PLPP3: variants seen among roughly 807,000 people sequenced by gnomAD.
PLPP3 encodes the protein PAP2 beta.
Under a neutral mutation model 29.6 loss-of-function variants are expected in PLPP3, and 6 were observed. That is an observed-to-expected ratio of 0.20 (90% CI 0.11 to 0.40). The LOEUF (loss-of-function observed/expected upper bound fraction) is 0.40, where lower values mean the gene tolerates loss of function less well. Ranked by LOEUF, PLPP3 falls within the 10% of genes least tolerant of loss-of-function variation. The probability of loss-of-function intolerance (pLI) is 1.00; values close to 1 mark genes in which losing one functional copy is unlikely to be tolerated. For synonymous variants in PLPP3, 152 were observed against 159.7 expected, an observed-to-expected ratio of 0.95 and a Z score of 0.36; for missense variants, 308 against 407.7, an observed-to-expected ratio of 0.76 and a Z score of 2.11.
intron 5 of PLPP3, among the ~76,000 whole-genome samples, chr1:56,498,638 CTTTT>C (rs559651197): frequency 1.4e-5 from 2 of 144,750 alleles, no homozygotes; most frequent in African/African-American, 5.0e-5. Context: ...TCACTACTTT[CTTTT>C]TTTTTTTTTA....
chr1:56,536,621 G>A (rs1645928752), intron 2 of PLPP3, among the ~76,000 whole-genome samples: 1 of 152,184 alleles, frequency 6.6e-6, no homozygotes, highest in Non-Finnish European at 1.5e-5. Flanking sequence ...CTATCCCCTT[G>A]AGCAGTTCAT....
At chr1:56,553,809 T>C (rs926385665) in intron 1 of PLPP3, among the ~76,000 whole-genome samples, 14 of 152,166 alleles carry the variant, frequency 9.2e-5, no homozygotes, top group Non-Finnish European at 1.0e-4. Context: ...GGTCCTAATT[T>C]TAACCTAAAA....
At chr1:56,508,896 A>C (rs1418238532) in intron 5 of PLPP3, among the ~76,000 whole-genome samples, 1 of 152,124 alleles carries the variant, frequency 6.6e-6, no homozygotes, top group Non-Finnish European at 1.5e-5. Context: ...TGTCTCCCTC[A>C]CAATCAAACC....
At chr1:56,520,419 G>A (rs747718611) in intron 4 of PLPP3, among the ~76,000 whole-genome samples, 5 of 152,104 alleles carry the variant, frequency 3.3e-5, no homozygotes, top group African/African-American at 4.8e-5. Context: ...TGGGTACACC[G>A]GGGAGTCCAG....
intron 1 of PLPP3, among the ~76,000 whole-genome samples, chr1:56,559,480 G>C (rs1646106612): frequency 6.6e-6 from 1 of 151,682 alleles, no homozygotes; most frequent in South Asian, 2.1e-4. Flanking sequence ...TTGAACTCCT[G>C]AGCTCAAGTG....
intron 4 of PLPP3, among the ~76,000 whole-genome samples, chr1:56,515,891 C>T (rs1645777223): frequency 6.6e-6 from 1 of 152,140 alleles, no homozygotes. Context: ...ATAGGTAGAA[C>T]AGTACTATCT....
intron 1 of PLPP3, among the ~76,000 whole-genome samples, chr1:56,567,384 A>T (rs562934029): frequency 7.6e-4 from 114 of 150,890 alleles, no homozygotes; most frequent in African/African-American, 2.7e-3. Flanking sequence ...CATTAATCTT[A>T]AGGTATTTCT....
Position 56,496,475 on chromosome 1 carries a change from C to T in PLPP3, c.*76G>A, listed in dbSNP as rs1236021848. The T allele has an allele frequency of 5.2e-6, 8 of 1,537,856 alleles. No homozygotes were observed. The highest frequency in any genetic ancestry group is 7.1e-6 in the Non-Finnish European group (8 of 1,123,690). ...AAAGTTTTTCCCTACATTCTACTGTCTGATGAGATTGGAGAGCAGCAAGAA... is the reference window on the plus strand; with the variant it reads ...AAAGTTTTTCCCTACATTCTACTGTTTGATGAGATTGGAGAGCAGCAAGAA... On this transcript the variant is annotated 3_prime_UTR_variant, in exon 6 of 6. Coordinates refer to ENST00000371250, the MANE Select transcript of PLPP3 (RefSeq NM_003713.5).
chr1:56,501,735 C>G (rs1357691605), intron 5 of PLPP3, among the ~76,000 whole-genome samples: 2 of 151,958 alleles, frequency 1.3e-5, no homozygotes, highest in Non-Finnish European at 2.9e-5. Context: ...TGTAAGAACC[C>G]CATTCACCGT....
At chr1:56,516,435 A>C (rs1645780923) in intron 4 of PLPP3, among the ~76,000 whole-genome samples, 1 of 152,194 alleles carries the variant, frequency 6.6e-6, no homozygotes, top group Admixed American at 6.5e-5. Context: ...CCTATTCTAG[A>C]CCAAAACACA....
chr1:56,518,759 A>G (rs1645799765), intron 4 of PLPP3, among the ~76,000 whole-genome samples: 1 of 145,816 alleles, frequency 6.9e-6, no homozygotes, highest in African/African-American at 2.5e-5. Context: ...TATGTTGCCC[A>G]GGCTGATCCT....
rs553795588 is a variant in PLPP3, at chr1:56,549,484, T to C, written c.140-12372A>G. Reference sequence around the variant, plus strand: ...TTCCTCATCTGCTCTCTGGGGTTCATTTTCTTCATGTGCAAAATGAAAGGG... The same window carrying C: ...TTCCTCATCTGCTCTCTGGGGTTCACTTTCTTCATGTGCAAAATGAAAGGG... On this transcript the variant is annotated intron_variant, in intron 1 of 5. Coordinates refer to ENST00000371250, the MANE Select transcript of PLPP3 (RefSeq NM_003713.5). 1.2e-4 allele frequency among the ~76,000 whole-genome samples: 18 copies of C among 152,326 alleles called. No homozygotes were observed. The South Asian group carries it at 3.5e-3, about 30-fold the overall frequency.
At chr1:56,538,296 C>T (rs528571681) in intron 1 of PLPP3, among the ~76,000 whole-genome samples, 3 of 152,120 alleles carry the variant, frequency 2.0e-5, no homozygotes, top group African/African-American at 7.2e-5. Context: ...ACCAAAATAC[C>T]TCTTCCTCCC....
chr1:56,508,834 T>A (rs933565236), intron 5 of PLPP3, among the ~76,000 whole-genome samples: 3 of 151,700 alleles, frequency 2.0e-5, no homozygotes, highest in African/African-American at 7.3e-5. Context: ...TCCCCACACC[T>A]CCTCACAGAT....
At position 56,566,071 on chromosome 1, in the gene PLPP3, T is replaced by C. The variant is rs150031390; in HGVS notation, c.139+12807A>G. 8.1e-4 allele frequency among the ~76,000 whole-genome samples: 123 copies of C among 152,320 alleles called. No homozygotes were observed. The East Asian group carries it at 0.011, about 14-fold the overall frequency. ...CTAGGCAGAGGCTGATGCTGTGAGT[T>C]AGGCTTGACAAGTTAATCACTGGTG... On this transcript the variant is annotated intron_variant, in intron 1 of 5. Coordinates refer to ENST00000371250, the MANE Select transcript of PLPP3 (RefSeq NM_003713.5).
At chr1:56,560,319 A>C (rs2100296208) in intron 1 of PLPP3, among the ~76,000 whole-genome samples, 1 of 152,334 alleles carries the variant, frequency 6.6e-6, no homozygotes, top group Middle Eastern at 3.4e-3. Flanking sequence ...TCAATTATAA[A>C]ATTGATAGAT....
At chr1:56,514,338 GGGTGGC>G (rs1645766907) in intron 4 of PLPP3, among the ~76,000 whole-genome samples, 1 of 151,998 alleles carries the variant, frequency 6.6e-6, no homozygotes, top group Non-Finnish European at 1.5e-5. Context: ...CCAGGCAGAG[GGGTGGC>G]TCAGAGGCCT....
Position 56,537,117 on chromosome 1 carries a change from T to C in PLPP3, c.140-5A>G. ...TGATGAGGAAGGGGAGGCCCGCTGG[T>C]CCAGGTGGAACCATGGCATATACCA... On this transcript the variant is annotated splice_region_variant and splice_polypyrimidine_tract_variant and intron_variant, in intron 1 of 5. Coordinates refer to ENST00000371250, the MANE Select transcript of PLPP3 (RefSeq NM_003713.5). 2 of 1,612,916 alleles carry C rather than the reference T, an allele frequency of 1.2e-6. No individual in the cohort carries two copies. Among genetic ancestry groups the C allele is most frequent in the Non-Finnish European group, 1.7e-6 (2 of 1,179,566 alleles).
At chr1:56,574,517 A>C (rs1409212034) in intron 1 of PLPP3, among the ~76,000 whole-genome samples, 3 of 152,144 alleles carry the variant, frequency 2.0e-5, no homozygotes, top group Non-Finnish European at 2.9e-5. Flanking sequence ...TGCCTCCCAA[A>C]GTGCTGGGAT....
Sources: gnomAD v4.1 joint callset for allele counts (sites outside exome capture counted in the v4.1 genomes callset) on GRCh38, gnomAD v4.1.1 for gene constraint, MANE v1.5 for transcripts, NCBI Gene and HGNC (gene_info 2026-07-23, HGNC 2026-07-21) for gene names.